ZSCAN10: variants seen among roughly 807,000 people sequenced by gnomAD.
ZSCAN10 encodes the protein zinc finger and SCAN domain containing 10.
Under a neutral mutation model 63.7 loss-of-function variants are expected in ZSCAN10, and 52 were observed. That is an observed-to-expected ratio of 0.82 (90% CI 0.65 to 1.03). The LOEUF is 1.03. ZSCAN10 is among the 50% of genes least tolerant of loss of function. ZSCAN10 has a pLI of 0.00. For synonymous variants in ZSCAN10, 544 were observed against 479.6 expected (o/e 1.13, Z -1.76); for missense variants, 1,223 against 1,103.8 (o/e 1.11, Z -1.53).
At position 3,090,657 on chromosome 16, in the gene ZSCAN10, A is replaced by C. The variant is rs757140356; in HGVS notation, c.788-11T>G. ...TTCTGCTTCCGAATCCTGGGAAACA[A>C]GACAAAACAGGGACGGTCAGGCCTA... is the stretch of plus-strand genomic sequence containing the variant. On this transcript the variant is annotated splice_polypyrimidine_tract_variant and intron_variant, in intron 5 of 5. Coordinates refer to ENST00000576985, the MANE Select transcript of ZSCAN10 (RefSeq NM_032805.3). 3.9e-6 allele frequency: 6 copies of C among 1,522,878 alleles called. No individual in the cohort carries two copies. The African/African-American group carries it at 8.3e-5, about 21-fold the overall frequency. 94.3% of individuals were successfully genotyped at this position (1,522,878 alleles called of 1,614,324 possible).
In ZSCAN10 at chr16:3,090,003, C is replaced by A. The variant is rs1279073401; in HGVS notation, c.1431G>T (p.Leu477=). Residue 477 remains leucine, a synonymous_variant, in exon 6 of 6, where the codon CTG becomes CTT. Transcript: ENST00000576985. ...KAEAPPLTDV[L]CSHCGQSFQR... ...GGAAGCTCTGGCCGCAGTGGGAGCA[C>A]AGGACATCGGTCAGTGGCGGCGCTT... The A allele has an allele frequency of 6.4e-7, 1 of 1,564,906 alleles. No individual in the cohort carries two copies. The highest frequency in any genetic ancestry group is 8.6e-7 in the Non-Finnish European group (1 of 1,158,358).
At chr16:3,090,939 G>A (rs1272465549) in intron 5 of ZSCAN10, among the ~76,000 whole-genome samples, 3 of 151,574 alleles carry the variant, frequency 2.0e-5, no homozygotes, top group Admixed American at 6.6e-5. Context: ...GTGTAGTGGC[G>A]CATGCCTGTG....
At position 3,090,311 on chromosome 16, in the gene ZSCAN10, A is replaced by AGCGCCCAGCCGGGT; in HGVS notation, c.1109_1122dup (p.Ser375ThrfsTer50). 2 of 1,609,586 alleles carry AGCGCCCAGCCGGGT rather than the reference A, an allele frequency of 1.2e-6. No homozygotes were observed. The highest frequency in any genetic ancestry group is 2.2e-5 in the South Asian group (2 of 90,824). The stretch of plus-strand genomic sequence containing the variant: ...TTCCCGCAGCAAAGGCACAGGAAGG[A>AGCGCCCAGCCGGGT]GCGCCCAGCCGGGTGCGAGCGCAGC... On this transcript the variant is annotated frameshift_variant, in exon 6 of 6. Transcript: ENST00000576985. LOFTEE classifies it high-confidence loss of function.
At chr16:3,093,520 A>G (rs1424154847) in intron 1 of ZSCAN10, among the ~76,000 whole-genome samples, 11 of 151,652 alleles carry the variant, frequency 7.3e-5, no homozygotes, top group Admixed American at 7.2e-4. Flanking sequence ...AGATCAAAAA[A>G]AAAAAAAAAA....
In ZSCAN10 at chr16:3,092,242, C is replaced by A. The variant is rs111581050; in HGVS notation, c.471G>T (p.Gln157His). Reference sequence around the variant, plus strand: ...CCTTCTTGGGGCTGTGGCTGGGGACCTGGGAAGCACACCCCTTTTCCTCCA... The same window carrying A: ...CCTTCTTGGGGCTGTGGCTGGGGACATGGGAAGCACACCCCTTTTCCTCCA... Reference protein sequence around the residue: ...VTLEEKGCASQVPSHSPKKEL... With the variant: ...VTLEEKGCASHVPSHSPKKEL... The change falls in exon 3 of 6, where the codon CAG (glutamine) becomes CAT (histidine). Residue 157 changes from glutamine (Q) to histidine (H), a missense_variant. Transcript: ENST00000576985. The A allele has an allele frequency of 2.8e-5, 45 of 1,612,822 alleles. 1 individual carries two copies. The African/African-American group carries it at 3.3e-4, about 12-fold the overall frequency.
intron 3 of ZSCAN10, 23 bp downstream of exon 3, chr16:3,092,026 C>G (rs771523800): frequency 1.3e-6 from 2 of 1,549,878 alleles, no homozygotes; most frequent in African/African-American, 2.7e-5. Context: ...AGTCCTTGGC[C>G]TCCTAGGGCA....
In ZSCAN10 at chr16:3,092,175, C is replaced by T. The variant is rs779830202; in HGVS notation, c.538G>A (p.Glu180Lys). ...EEPSVLGPSDEPPRPQPRAAQ... is the reference protein window; with the variant it reads ...EEPSVLGPSDKPPRPQPRAAQ... ...GCCCTTGGCTGGGGTCGGGGAGGCT[C>T]ATCCGATGGGCCCAGCACTGAAGGC... The change falls in exon 3 of 6, where the codon GAG becomes AAG. Residue 180 changes from glutamate to lysine, a missense_variant. Transcript: ENST00000576985. The T allele has an allele frequency of 1.7e-5, 27 of 1,612,946 alleles. No individual in the cohort carries two copies. The highest frequency in any genetic ancestry group is 2.7e-5 in the African/African-American group (2 of 74,938).
intron 1 of ZSCAN10, 200 bp from the exon 2 acceptor site, chr16:3,093,204 A>G (rs1156239769): frequency 2.9e-6 from 1 of 347,984 alleles, no homozygotes; most frequent in Non-Finnish European, 5.1e-6. Context: ...ACAGTTCTGT[A>G]TTATCATCCC....
intron 1 of ZSCAN10, among the ~76,000 whole-genome samples, chr16:3,097,972 G>A (rs1172104505): frequency 1.3e-5 from 2 of 150,072 alleles, no homozygotes; most frequent in Admixed American, 1.3e-4. Flanking sequence ...GAACCTGGGG[G>A]GTCAAAGCTG....
chr16:3,089,604 C>G lies in ZSCAN10; in HGVS notation c.1830G>C (p.Gln610His), dbSNP rs1316365145. The G allele has an allele frequency of 1.3e-6, 2 of 1,585,850 alleles. No homozygotes were observed. Among genetic ancestry groups the G allele is most frequent in the South Asian group, 2.3e-5 (2 of 87,770 alleles). Residue 610 changes from glutamine (Q) to histidine (H), a missense_variant, in exon 6 of 6, where the codon CAG (glutamine) becomes CAC (histidine). By Grantham distance (24) the Gln-to-His change is conservative (BLOSUM62 0). Transcript: ENST00000576985. ...HGGPRPHHCT[Q>H]CGKSFGQTQD... ...GGGTCTGGCCGAAACTCTTCCCGCA[C>G]TGGGTGCAGTGGTGGGGCCGAGGGC... is the stretch of plus-strand genomic sequence containing the variant.
chr16:3,097,561 C>G (rs1426534432), intron 1 of ZSCAN10, among the ~76,000 whole-genome samples: 3 of 152,178 alleles, frequency 2.0e-5, no homozygotes, highest in Non-Finnish European at 4.4e-5. Flanking sequence ...CAGATTTCAA[C>G]CCCTGCATGT....
intron 5 of ZSCAN10, 146 bp from the exon 6 acceptor site, chr16:3,090,792 G>GCT: frequency 1.1e-6 from 1 of 937,278 alleles, no homozygotes; most frequent in Non-Finnish European, 1.5e-6. Flanking sequence ...GTTCACGCCT[G>GCT]TAATTTCAGC....
chr16:3,094,619 A>G (rs965761276), intron 1 of ZSCAN10, among the ~76,000 whole-genome samples: 1 of 152,186 alleles, frequency 6.6e-6, no homozygotes, highest in African/African-American at 2.4e-5. Flanking sequence ...TACTGGGATT[A>G]CAGGCATGAA....
intron 1 of ZSCAN10, among the ~76,000 whole-genome samples, chr16:3,098,883 A>T (rs924118942): frequency 6.6e-5 from 10 of 152,178 alleles, no homozygotes; most frequent in Admixed American, 5.9e-4. Flanking sequence ...TGTTTGTTGG[A>T]GGGGCCTCCC....
chr16:3,094,135 C>T (rs572932257), intron 1 of ZSCAN10, among the ~76,000 whole-genome samples: 11 of 152,148 alleles, frequency 7.2e-5, no homozygotes, highest in African/African-American at 2.4e-4. Flanking sequence ...GCGTCAGCCT[C>T]CCGAGTAGCT....
Position 3,092,578 on chromosome 16 carries a change from C to G in ZSCAN10, c.360G>C (p.Glu120Asp). The change falls in exon 2 of 6, where the codon GAG becomes GAC. Residue 120 changes from glutamate to aspartate, a missense_variant. Physicochemically the swap from Glu to Asp is conservative, Grantham distance 45. Coordinates refer to ENST00000576985, the MANE Select transcript of ZSCAN10 (RefSeq NM_032805.3). ...CGTGGCTGGGCTCCCGGTGGATGCC[C>G]TCGAGCAGCAGCACCACCTCCTCCC... ...RDGEEVVLLLEGIHREPSHAG... is the reference protein window; with the variant it reads ...RDGEEVVLLLDGIHREPSHAG... 1 of 1,574,296 alleles carries G rather than the reference C, an allele frequency of 6.4e-7. No individual in the cohort carries two copies. The highest frequency in any genetic ancestry group is 8.6e-7 in the Non-Finnish European group (1 of 1,161,568).
rs553874658 is a variant in ZSCAN10, at chr16:3,090,076, G to A, written c.1358C>T (p.Ala453Val). ...RRASLVQHLL[A>V]HAQDQKPPCA... ...GGGCGGCTTCTGGTCCTGGGCGTGC[G>A]CCAGCAGGTGCTGCACAAGGCTGGC... The change falls in exon 6 of 6, where the codon GCG becomes GTG. Residue 453 changes from alanine to valine, a missense_variant. Ala to Val is a moderately conservative substitution (Grantham distance 64). Coordinates refer to ENST00000576985, the MANE Select transcript of ZSCAN10 (RefSeq NM_032805.3). 6.2e-7 allele frequency: 1 copy of A among 1,604,198 alleles called. No homozygotes were observed. Among genetic ancestry groups the A allele is most frequent in the Non-Finnish European group, 8.5e-7 (1 of 1,178,804 alleles).
Position 3,090,234 on chromosome 16 carries a change from G to A in ZSCAN10, c.1200C>T (p.Asp400=). The A allele has an allele frequency of 6.2e-7, 1 of 1,607,434 alleles. No individual in the cohort carries two copies. Among genetic ancestry groups the A allele is most frequent in the Non-Finnish European group, 8.5e-7 (1 of 1,179,650 alleles). The part of the protein sequence containing the change: ...ILKLHMRTHT[D]ERPHACHLCG... ...ACAGGTGGCAGGCGTGCGGCCGCTC[G>A]TCCGTGTGAGTGCGCATGTGCAGCT... The change falls in exon 6 of 6, where the codon GAC becomes GAT. Residue 400 remains aspartate, a synonymous_variant. Transcript: ENST00000576985.
At position 3,089,271 on chromosome 16, in the gene ZSCAN10, C is replaced by T. The variant is rs1241559501; in HGVS notation, c.2163G>A (p.Glu721=). The change falls in exon 6 of 6, where the codon GAG becomes GAA. Residue 721 remains glutamate (E), a synonymous_variant. Transcript: ENST00000576985. ...CGCACTCCACGCACTCCTGCGGGGGCTCGGCCTGCTCCTGCCCGGGCTCCG... is the reference window on the plus strand; with the variant it reads ...CGCACTCCACGCACTCCTGCGGGGGTTCGGCCTGCTCCTGCCCGGGCTCCG... The part of the protein sequence containing the change: ...THAEPGQEQA[E]PPQECVECGK... The T allele has an allele frequency of 2.8e-5, 44 of 1,566,142 alleles. No individual in the cohort carries two copies. Among genetic ancestry groups the T allele is most frequent in the Non-Finnish European group, 3.5e-5 (41 of 1,164,464 alleles).
Sources: gnomAD v4.1 joint callset for allele counts (sites outside exome capture counted in the v4.1 genomes callset) on GRCh38, gnomAD v4.1.1 for gene constraint, MANE v1.5 for transcripts, NCBI Gene and HGNC (gene_info 2026-07-23, HGNC 2026-07-21) for gene names.